The following ABTB3 variants were observed in gnomAD, a reference collection of about 807,000 sequenced individuals.
ABTB3 encodes the protein ankyrin repeat and BTB domain containing 3.
the ABTB3 span, chr12:107,580,725 C>A: frequency 8.2e-7 from 1 of 1,221,910 alleles, no homozygotes; most frequent in Non-Finnish European, 1.1e-6. Context: ...AGGCTTGGGT[C>A]CACAATCAGG....
chr12:107,643,402 CAAAAA>C, the ABTB3 span, among the ~76,000 whole-genome samples: 53 of 79,536 alleles, frequency 6.7e-4, 1 homozygote, highest in East Asian at 0.016. Flanking sequence ...GACCCTATCT[CAAAAA>C]AAAAAAAAAA....
the ABTB3 span, among the ~76,000 whole-genome samples, chr12:107,459,959 G>A: frequency 6.6e-6 from 1 of 152,320 alleles, no homozygotes. Flanking sequence ...CAGGGGTGGG[G>A]TTGGGGGGCC....
the ABTB3 span, among the ~76,000 whole-genome samples, chr12:107,455,205 G>T: frequency 5.9e-5 from 9 of 152,342 alleles, no homozygotes; most frequent in Non-Finnish European, 1.2e-4. Context: ...TGATTCTAGA[G>T]CTGTGGCATG....
the ABTB3 span, among the ~76,000 whole-genome samples, chr12:107,542,311 C>CAA: frequency 1.7e-5 from 2 of 119,204 alleles, no homozygotes; most frequent in African/African-American, 3.3e-5. Flanking sequence ...AACTCTGTCT[C>CAA]AAAAAAAAAA....
At chr12:107,438,133 G>A in the ABTB3 span, among the ~76,000 whole-genome samples, 1 of 152,080 alleles carries the variant, frequency 6.6e-6, no homozygotes, top group Non-Finnish European at 1.5e-5. Context: ...ATACAACCAG[G>A]CGCCGAGGCA....
chr12:107,527,228 CA>C, the ABTB3 span, among the ~76,000 whole-genome samples: 618 of 152,264 alleles, frequency 4.1e-3, 5 homozygotes, highest in African/African-American at 0.014. Context: ...CTGTCTCCCC[CA>C]CCAAGACTGT....
At chr12:107,646,377 C>A in the ABTB3 span, among the ~76,000 whole-genome samples, 2 of 152,192 alleles carry the variant, frequency 1.3e-5, no homozygotes, top group Admixed American at 1.3e-4. Flanking sequence ...TATAGGAGAC[C>A]ACGTGCTAGA....
At chr12:107,482,627 AGTCTGCCC>A in the ABTB3 span, among the ~76,000 whole-genome samples, 1 of 151,858 alleles carries the variant, frequency 6.6e-6, no homozygotes, top group Admixed American at 6.6e-5. Flanking sequence ...TGCCCACTCT[AGTCTGCCC>A]ATGATCCCCT....
the ABTB3 span, among the ~76,000 whole-genome samples, chr12:107,521,858 A>C: frequency 6.6e-6 from 1 of 151,976 alleles, no homozygotes; most frequent in Non-Finnish European, 1.5e-5. Context: ...CCCAAATGTT[A>C]CCTTCTCAAT....
the ABTB3 span, chr12:107,544,215 G>A: frequency 6.8e-7 from 1 of 1,460,810 alleles, no homozygotes; most frequent in Non-Finnish European, 9.4e-7. Flanking sequence ...GGATGGGGAG[G>A]ATGATGGGGG....
the ABTB3 span, among the ~76,000 whole-genome samples, chr12:107,385,554 G>C: frequency 6.6e-6 from 1 of 152,146 alleles, no homozygotes; most frequent in Non-Finnish European, 1.5e-5. Flanking sequence ...CTTCCTTCCT[G>C]CTGGCTGGGG....
chr12:107,647,926 A>G, the ABTB3 span, among the ~76,000 whole-genome samples: 2 of 152,188 alleles, frequency 1.3e-5, no homozygotes, highest in African/African-American at 4.8e-5. Flanking sequence ...AGTGTCCTAT[A>G]TTGGTCACAG....
the ABTB3 span, among the ~76,000 whole-genome samples, chr12:107,541,859 G>T: frequency 6.6e-6 from 1 of 151,388 alleles, no homozygotes; most frequent in Non-Finnish European, 1.5e-5. Context: ...ACACTCCTGC[G>T]ACATGCAATT....
At chr12:107,348,485 AG>A in the ABTB3 span, among the ~76,000 whole-genome samples, 1 of 152,206 alleles carries the variant, frequency 6.6e-6, no homozygotes, top group African/African-American at 2.4e-5. Context: ...CTCCAATCCC[AG>A]GCCAAGGCAG....
the ABTB3 span, among the ~76,000 whole-genome samples, chr12:107,374,256 C>T: frequency 6.6e-6 from 1 of 152,178 alleles, no homozygotes; most frequent in Admixed American, 6.5e-5. Context: ...TTTTCTACTT[C>T]CTACATCTTA....
the ABTB3 span, among the ~76,000 whole-genome samples, chr12:107,642,502 G>C: frequency 5.9e-5 from 9 of 152,262 alleles, no homozygotes; most frequent in South Asian, 1.9e-3. Flanking sequence ...AGTACTCGAG[G>C]CGTGAGCCAA....
the ABTB3 span, among the ~76,000 whole-genome samples, chr12:107,449,707 G>A: frequency 6.6e-6 from 1 of 152,104 alleles, no homozygotes; most frequent in Non-Finnish European, 1.5e-5. Context: ...CTGAAGTGCA[G>A]TGGTGTGGTC....
chr12:107,441,011 C>T, the ABTB3 span, among the ~76,000 whole-genome samples: 2 of 152,290 alleles, frequency 1.3e-5, no homozygotes, highest in East Asian at 3.9e-4. Flanking sequence ...AGGGTTCAGT[C>T]CTCAACGTCA....
the ABTB3 span, among the ~76,000 whole-genome samples, chr12:107,602,196 C>CTCCCCACCCT: frequency 3.9e-5 from 6 of 152,204 alleles, no homozygotes; most frequent in Admixed American, 3.3e-4. Flanking sequence ...CACTGACTCC[C>CTCCCCACCCT]TCCCCACCCT....
Sources: allele counts gnomAD v4.1 joint callset (sites outside exome capture counted in the v4.1 genomes callset), GRCh38; gene constraint gnomAD v4.1.1; transcripts MANE v1.5; gene names NCBI Gene and HGNC (gene_info 2026-07-23, HGNC 2026-07-21).